Variants in PTPRD observed in about 807,000 individuals in gnomAD.
The protein encoded by PTPRD is receptor-type tyrosine-protein phosphatase delta.
Under a neutral mutation model 214.5 loss-of-function variants are expected in PTPRD, and 34 were observed. The ratio of observed to expected loss-of-function variants is 0.16; its 90% confidence interval spans 0.12 to 0.21. The LOEUF is 0.21. Ranked by LOEUF, PTPRD falls within the 10% of genes least tolerant of loss-of-function variation. PTPRD has a pLI of 1.00. For missense variants in PTPRD, 2,545 were observed against 2,398.7 expected, an observed-to-expected ratio of 1.06 and a Z score of -1.27; for synonymous variants, 1,128 against 845.7, an observed-to-expected ratio of 1.33 and a Z score of -5.79.
chr9:9,758,774 C>G (rs1476864720), intron 6 of PTPRD, among the ~76,000 whole-genome samples: 1 of 151,200 alleles, frequency 6.6e-6, no homozygotes. Flanking sequence ...TCCCACCCCC[C>G]ATATATTCAG....
chr9:9,108,767 T>C (rs1006780741), intron 10 of PTPRD, among the ~76,000 whole-genome samples: 5 of 152,172 alleles, frequency 3.3e-5, no homozygotes, highest in South Asian at 2.1e-4. Flanking sequence ...GCAGTAATCA[T>C]CTCTGCCTAG....
intron 8 of PTPRD, among the ~76,000 whole-genome samples, chr9:9,493,137 GTA>G (rs1370828044): frequency 2.0e-5 from 3 of 151,666 alleles, no homozygotes; most frequent in Non-Finnish European, 2.9e-5. Context: ...ATCTCTCACT[GTA>G]AATAAAGAGC....
chr9:9,703,559 T>C (rs1211513815), intron 7 of PTPRD, among the ~76,000 whole-genome samples: 3 of 152,178 alleles, frequency 2.0e-5, no homozygotes, highest in Non-Finnish European at 2.9e-5. Flanking sequence ...GTGATTAATG[T>C]ACACATTACA....
intron 21 of PTPRD, among the ~76,000 whole-genome samples, chr9:8,509,478 G>T (rs950145435): frequency 6.6e-6 from 1 of 152,050 alleles, no homozygotes; most frequent in Non-Finnish European, 1.5e-5. Context: ...GAAAGTTTGT[G>T]TTAACTCCTG....
intron 11 of PTPRD, among the ~76,000 whole-genome samples, chr9:8,837,662 A>T: frequency 6.6e-6 from 1 of 151,860 alleles, no homozygotes; most frequent in Non-Finnish European, 1.5e-5. Context: ...ATGCCTCGCT[A>T]AACTTTTATT....
intron 3 of PTPRD, among the ~76,000 whole-genome samples, chr9:10,299,274 G>C (rs755269693): frequency 2.6e-5 from 4 of 151,904 alleles, no homozygotes; most frequent in Non-Finnish European, 5.9e-5. Flanking sequence ...AGAATATTTT[G>C]GACTATTGTC....
At chr9:9,068,130 A>G (rs1452005408) in intron 10 of PTPRD, among the ~76,000 whole-genome samples, 1 of 152,128 alleles carries the variant, frequency 6.6e-6, no homozygotes, top group Non-Finnish European at 1.5e-5. Flanking sequence ...GCTTTTACTT[A>G]GCATAATTTT....
At chr9:10,502,951 T>C (rs1343236176) in intron 2 of PTPRD, among the ~76,000 whole-genome samples, 1 of 152,042 alleles carries the variant, frequency 6.6e-6, no homozygotes, top group Non-Finnish European at 1.5e-5. Context: ...ATTCAGTATC[T>C]GTATTCTTTC....
At chr9:8,929,364 T>C (rs1410742085) in intron 11 of PTPRD, among the ~76,000 whole-genome samples, 1 of 152,182 alleles carries the variant, frequency 6.6e-6, no homozygotes, top group Non-Finnish European at 1.5e-5. Context: ...GTACATTCCA[T>C]CAATACCTAG....
At chr9:9,259,151 G>A (rs2132018570) in intron 9 of PTPRD, among the ~76,000 whole-genome samples, 1 of 151,920 alleles carries the variant, frequency 6.6e-6, no homozygotes, top group Non-Finnish European at 1.5e-5. Context: ...TTGAAGATCA[G>A]GGACATGAAA....
chr9:9,284,778 T>C (rs1948838258), intron 9 of PTPRD, among the ~76,000 whole-genome samples: 1 of 151,816 alleles, frequency 6.6e-6, no homozygotes, highest in Non-Finnish European at 1.5e-5. Context: ...CGTTATTAAC[T>C]AGTCATGTGA....
At chr9:10,128,131 C>T (rs1370631597) in intron 3 of PTPRD, among the ~76,000 whole-genome samples, 1 of 152,106 alleles carries the variant, frequency 6.6e-6, no homozygotes, top group Admixed American at 6.6e-5. Context: ...TTCCAATGTT[C>T]TGTATCACTT....
chr9:9,237,636 AT>A (rs761935364), intron 9 of PTPRD, among the ~76,000 whole-genome samples: 3 of 151,680 alleles, frequency 2.0e-5, no homozygotes, highest in Admixed American at 6.6e-5. Context: ...ATTTGCAATA[AT>A]TTTTTTTTAA....
chr9:10,415,893 G>A (rs1021889385), intron 2 of PTPRD, among the ~76,000 whole-genome samples: 5 of 151,802 alleles, frequency 3.3e-5, no homozygotes, highest in South Asian at 2.1e-4. Flanking sequence ...AAGAAACAGC[G>A]GAGAGAAAGA....
chr9:9,160,563 A>T (rs2099886123), intron 10 of PTPRD, among the ~76,000 whole-genome samples: 1 of 152,174 alleles, frequency 6.6e-6, no homozygotes, highest in South Asian at 2.1e-4. Flanking sequence ...AAAAGTGAAC[A>T]CTTGTCTTTT....
chr9:8,979,500 T>C (rs2099294377), intron 11 of PTPRD, among the ~76,000 whole-genome samples: 2 of 152,118 alleles, frequency 1.3e-5, no homozygotes, highest in South Asian at 4.1e-4. Flanking sequence ...GATAAGGGAC[T>C]ACTATCCAAA....
intron 8 of PTPRD, among the ~76,000 whole-genome samples, chr9:9,429,592 A>C (rs1205201075): frequency 1.3e-5 from 2 of 152,074 alleles, no homozygotes; most frequent in African/African-American, 2.4e-5. Flanking sequence ...GGCAGAGAAA[A>C]AACAAAAAAA....
At chr9:9,015,247 A>T (rs1432021671) in intron 11 of PTPRD, among the ~76,000 whole-genome samples, 1 of 152,174 alleles carries the variant, frequency 6.6e-6, no homozygotes, top group Non-Finnish European at 1.5e-5. Context: ...GGGTTAAGGC[A>T]TTCTAAGTCA....
chr9:9,947,490 A>ATT (rs2153985583), intron 4 of PTPRD, among the ~76,000 whole-genome samples: 7 of 26,594 alleles, frequency 2.6e-4, no homozygotes, highest in Admixed American at 9.0e-4. Context: ...TTTTATATAT[A>ATT]TTATATATAT....
Sources: allele counts gnomAD v4.1 joint callset (sites outside exome capture counted in the v4.1 genomes callset), GRCh38; gene constraint gnomAD v4.1.1; transcripts MANE v1.5; gene names NCBI Gene and HGNC (gene_info 2026-07-23, HGNC 2026-07-21).